The following PRRC2B variants were observed in gnomAD, a reference collection of about 807,000 sequenced individuals.
PRRC2B encodes protein PRRC2B.
Under a neutral mutation model 242.3 loss-of-function variants are expected in PRRC2B, and 68 were observed. That is an observed-to-expected ratio of 0.28 (90% CI 0.23 to 0.34). The LOEUF is 0.34. PRRC2B is among the 10% of genes least tolerant of loss of function. PRRC2B has a pLI of 1.00. For synonymous variants in PRRC2B, 1,228 were observed against 1,173.6 expected, an observed-to-expected ratio of 1.05 and a Z score of -0.95; for missense variants, 2,835 against 2,954.8, an observed-to-expected ratio of 0.96 and a Z score of 0.94.
rs190404567 is a variant in PRRC2B, at chr9:131,497,356, C to T, written c.*1482C>T. 6.6e-6 allele frequency: 1 copy of T among 152,376 alleles called. No homozygotes were observed. The highest frequency in any genetic ancestry group is 1.9e-4 in the East Asian group (1 of 5,182). The allele number at this position is 152,376 out of a possible 1,614,324, so 9.4% of individuals were successfully genotyped here. A position where few individuals can be genotyped will look rare whatever the true frequency, so the allele number is the denominator to read the frequency against. On this transcript the variant is annotated 3_prime_UTR_variant, in exon 32 of 32. Coordinates refer to ENST00000683519, the MANE Select transcript of PRRC2B (RefSeq NM_013318.4). Reference sequence around the variant, plus strand: ...AGAAACAAGGAAATCACTCCAGATTCTGTCATTCCAAGGAAAGGGAAGGGG... The same window carrying T: ...AGAAACAAGGAAATCACTCCAGATTTTGTCATTCCAAGGAAAGGGAAGGGG...
chr9:131,449,337 T>A (rs1942840381), intron 9 of PRRC2B, among the ~76,000 whole-genome samples: 1 of 152,030 alleles, frequency 6.6e-6, no homozygotes, highest in South Asian at 2.1e-4. Flanking sequence ...ATTTGGTAGG[T>A]CTGGATCTTA....
rs145327222 is a variant in PRRC2B, at chr9:131,447,607, G to C, written c.978-55G>C. On this transcript the variant is annotated intron_variant, in intron 8 of 31. Transcript: ENST00000683519. Reference sequence around the variant, plus strand: ...GGAATTTATTTTTGGAAAGGTATTTGATTTTGCTTCCGTCTGTATACTGGA... The same window carrying C: ...GGAATTTATTTTTGGAAAGGTATTTCATTTTGCTTCCGTCTGTATACTGGA... 1.8e-4 allele frequency: 257 copies of C among 1,455,750 alleles called. No homozygotes were observed. In the African/African-American group the frequency reaches 3.3e-3, roughly 19 times the overall value. The allele number at this position is 1,455,750 out of a possible 1,614,324, so 90.2% of individuals were successfully genotyped here.
chr9:131,435,126 GAT>G (rs1447360724), intron 3 of PRRC2B, among the ~76,000 whole-genome samples: 1 of 149,692 alleles, frequency 6.7e-6, no homozygotes, highest in Non-Finnish European at 1.5e-5. Flanking sequence ...GGCGAAACCC[GAT>G]CTCTACTAAA....
intron 29 of PRRC2B, 82 bp from the exon 30 acceptor site, chr9:131,492,087 T>A: frequency 9.1e-7 from 1 of 1,093,150 alleles, no homozygotes; most frequent in Non-Finnish European, 1.4e-6. Context: ...TCACCACCTC[T>A]GCCCTGGGTT....
At chr9:131,457,670 C>A (rs1218722426) in intron 10 of PRRC2B, among the ~76,000 whole-genome samples, 1 of 151,994 alleles carries the variant, frequency 6.6e-6, no homozygotes, top group Non-Finnish European at 1.5e-5. Context: ...CCAGACCATC[C>A]ATGGGTCCAC....
chr9:131,402,597 C>T (rs914816855), intron 1 of PRRC2B, among the ~76,000 whole-genome samples: 1 of 152,096 alleles, frequency 6.6e-6, no homozygotes, highest in Non-Finnish European at 1.5e-5. Flanking sequence ...TCTGTTGTTT[C>T]CCATTCATCA....
At chr9:131,394,822 T>G (rs992005322) in intron 1 of PRRC2B, among the ~76,000 whole-genome samples, 1 of 148,936 alleles carries the variant, frequency 6.7e-6, no homozygotes, top group African/African-American at 2.5e-5. Context: ...AGTTGGCGGC[T>G]GGGGGAGGGA....
At chr9:131,406,909 C>T (rs922690309) in intron 1 of PRRC2B, among the ~76,000 whole-genome samples, 30 of 152,212 alleles carry the variant, frequency 2.0e-4, no homozygotes, top group Non-Finnish European at 1.9e-4. Flanking sequence ...CAAGAGAGGA[C>T]TGCTGTCTTA....
chr9:131,491,383 A>G (rs1944189752), intron 28 of PRRC2B, 42 bp from the exon 29 acceptor site: 2 of 1,544,334 alleles, frequency 1.3e-6, no homozygotes, highest in Admixed American at 2.0e-5. Context: ...GGGTTTCTCC[A>G]TAGCATCATT....
At position 131,430,177 on chromosome 9, in the gene PRRC2B, C is replaced by A. The variant is rs1250713653; in HGVS notation, c.33C>A (p.Gly11=). The stretch of plus-strand genomic sequence containing the variant: ...ATCGTTTGGGGCAAATTACCAAGGG[C>A]AAGGATGGGAAAAGCAAGTACTCGA... MSDRLGQITK[G]KDGKSKYSTL... is the part of the protein sequence containing the mutation. Residue 11 remains glycine (G), a synonymous_variant, in exon 2 of 32, where the codon GGC becomes GGA. Transcript: ENST00000683519. 6.2e-7 allele frequency: 1 copy of A among 1,606,702 alleles called. No homozygotes were observed. Among genetic ancestry groups the A allele is most frequent in the Non-Finnish European group, 8.5e-7 (1 of 1,177,044 alleles).
rs560256075 is a variant in PRRC2B, at chr9:131,459,169, G to A, written c.1217G>A (p.Ser406Asn). The A allele has an allele frequency of 1.2e-6, 2 of 1,613,828 alleles. No individual in the cohort carries two copies. The highest frequency in any genetic ancestry group is 1.7e-6 in the Non-Finnish European group (2 of 1,179,784). ...VVKDGRPKWNSWDPRRQRQLS... is the reference protein window; with the variant it reads ...VVKDGRPKWNNWDPRRQRQLS... The stretch of plus-strand genomic sequence containing the variant: ...TCAAATGTGGTTTGTCCTAGGAACA[G>A]TTGGGACCCTAGGAGGCAGCGGCAG... Residue 406 changes from serine (S) to asparagine (N), a missense_variant, in exon 11 of 32, where the codon AGT becomes AAT. This residue lies in a region of PRRC2B where 626 missense variants were observed against 685.5 expected (regional missense o/e 0.91). Transcript: ENST00000683519.
Position 131,476,435 on chromosome 9 carries a change from G to T in PRRC2B, c.4306G>T (p.Glu1436Ter). The part of the protein sequence containing the change: ...PVVDRQSRKL[E>*]PGGFGEKPVR... The stretch of plus-strand genomic sequence containing the variant: ...GGTTGACAGACAGAGCCGAAAGCTG[G>T]AGCCGGGAGGGTTTGGGGAGAAGCC... Residue 1436 changes from glutamate to a stop codon, truncating the protein, a stop_gained, in exon 16 of 32, where the codon GAG (glutamate) becomes TAG (stop). Coordinates refer to ENST00000683519, the MANE Select transcript of PRRC2B (RefSeq NM_013318.4). LOFTEE classifies it high-confidence loss of function. 6.2e-7 allele frequency: 1 copy of T among 1,612,810 alleles called. No homozygotes were observed. The highest frequency in any genetic ancestry group is 8.5e-7 in the Non-Finnish European group (1 of 1,179,496).
intron 30 of PRRC2B, among the ~76,000 whole-genome samples, chr9:131,493,128 C>G (rs1258084498): frequency 7.3e-5 from 7 of 95,760 alleles, no homozygotes; most frequent in Admixed American, 1.1e-4. Context: ...CAGCTGCACC[C>G]CCTCTGCCTT....
intron 30 of PRRC2B, among the ~76,000 whole-genome samples, chr9:131,493,815 G>A (rs1392931157): frequency 1.3e-5 from 2 of 152,150 alleles, no homozygotes; most frequent in African/African-American, 4.8e-5. Flanking sequence ...AGCGGGCCTA[G>A]GTTGAGAGTC....
intron 1 of PRRC2B, among the ~76,000 whole-genome samples, chr9:131,399,997 T>C (rs2994057): frequency 0.96 from 145,708 of 152,242 alleles, 70,061 homozygotes; most frequent in East Asian, 1. Flanking sequence ...GGATTGCAGG[T>C]TTGTTCTTCT....
At chr9:131,468,739 G>C (rs900527335) in intron 13 of PRRC2B, among the ~76,000 whole-genome samples, 1 of 152,124 alleles carries the variant, frequency 6.6e-6, no homozygotes, top group Non-Finnish European at 1.5e-5. Flanking sequence ...ATTTCAAAAC[G>C]TGTGTGCCAT....
At chr9:131,420,008 G>A (rs1354677898) in intron 1 of PRRC2B, among the ~76,000 whole-genome samples, 1 of 152,084 alleles carries the variant, frequency 6.6e-6, no homozygotes, top group East Asian at 1.9e-4. Flanking sequence ...ACTAAGTGCT[G>A]GAGAACCCCC....
chr9:131,449,881 A>G (rs1321544501), intron 9 of PRRC2B, among the ~76,000 whole-genome samples: 2 of 152,198 alleles, frequency 1.3e-5, no homozygotes, highest in Non-Finnish European at 2.9e-5. Context: ...TTTGATCCAC[A>G]TTGGATTAAT....
intron 23 of PRRC2B, 38 bp downstream of exon 23, chr9:131,483,483 T>C (rs780671575): frequency 6.3e-7 from 1 of 1,581,778 alleles, no homozygotes; most frequent in Admixed American, 1.7e-5. Context: ...CACTCACTGC[T>C]TGGGGCTGGC....
Sources: gnomAD v4.1 joint callset for allele counts (sites outside exome capture counted in the v4.1 genomes callset) on GRCh38, gnomAD v4.1.1 for gene constraint, gnomAD v4.1.1 regional missense constraint, MANE v1.5 for transcripts, NCBI Gene and HGNC (gene_info 2026-07-23, HGNC 2026-07-21) for gene names.